Variants in MGRN1 observed in about 807,000 individuals in gnomAD.
MGRN1 encodes the protein E3 ubiquitin-protein ligase MGRN1.
MGRN1 carries 29 observed loss-of-function variants against 69.2 expected under a neutral mutation model. The observed-to-expected ratio is 0.42, with a 90% confidence interval of 0.31 to 0.57. MGRN1 has a LOEUF of 0.57. Ranked by LOEUF, MGRN1 falls within the 20% of genes least tolerant of loss-of-function variation. The probability of loss-of-function intolerance (pLI) is 0.15; values close to 1 mark genes in which losing one functional copy is unlikely to be tolerated. For synonymous variants in MGRN1, 470 were observed against 344.2 expected (o/e 1.37, Z -4.04); for missense variants, 998 against 796.2 (o/e 1.25, Z -3.05).
intron 1 of MGRN1, chr16:4,649,588 A>G (rs1170072977): frequency 6.6e-6 from 1 of 152,130 alleles, no homozygotes; most frequent in Non-Finnish European, 1.5e-5. Flanking sequence ...TCTGTTAAGA[A>G]CCAGTCACTG....
intron 16 of MGRN1, chr16:4,686,345 G>GT: frequency 6.5e-7 from 1 of 1,537,248 alleles, no homozygotes; most frequent in Non-Finnish European, 8.7e-7. Flanking sequence ...TCTGACGCGC[G>GT]TCCTTGGAGA....
intron 1 of MGRN1, chr16:4,649,103 C>G (rs1315086300): frequency 6.5e-6 from 1 of 152,738 alleles, no homozygotes; most frequent in Non-Finnish European, 1.5e-5. Context: ...AAGCGCAGAT[C>G]TCATGCCTAA....
At chr16:4,678,364 C>A (rs2079100467) in intron 11 of MGRN1, among the ~76,000 whole-genome samples, 1 of 152,122 alleles carries the variant, frequency 6.6e-6, no homozygotes, top group Non-Finnish European at 1.5e-5. Context: ...AACACAGAGA[C>A]AGGGCGAGAG....
chr16:4,643,212 G>C (rs539917970), intron 1 of MGRN1, among the ~76,000 whole-genome samples: 2 of 151,634 alleles, frequency 1.3e-5, no homozygotes, highest in African/African-American at 2.4e-5. Context: ...CACTCCTCTC[G>C]GCCTCCCAGA....
intron 4 of MGRN1, among the ~76,000 whole-genome samples, chr16:4,656,419 C>T (rs145671523): frequency 1.3e-5 from 2 of 152,318 alleles, no homozygotes; most frequent in Non-Finnish European, 2.9e-5. Context: ...CCCGTCTGAA[C>T]GTTGAGGAAG....
At chr16:4,684,446 C>A (rs986267630) in intron 16 of MGRN1, among the ~76,000 whole-genome samples, 2 of 152,234 alleles carry the variant, frequency 1.3e-5, no homozygotes, top group African/African-American at 4.8e-5. Flanking sequence ...GGGCCCTGGG[C>A]CACAGAGCGC....
At chr16:4,642,737 G>A (rs2078188952) in intron 1 of MGRN1, among the ~76,000 whole-genome samples, 1 of 151,936 alleles carries the variant, frequency 6.6e-6, no homozygotes, top group Non-Finnish European at 1.5e-5. Flanking sequence ...AAAGTGCTGG[G>A]ATTACAGGGG....
At position 4,664,551 on chromosome 16, in the gene MGRN1, C is replaced by G. The variant is rs368455071; in HGVS notation, c.562-158C>G. On this transcript the variant is annotated intron_variant, in intron 5 of 16. Transcript: ENST00000262370. ...ACACACACATAAAAAAGGTGCCAAG[C>G]CTGGCATCCGCCTTCCCTGCCATCT... 2.3e-5 allele frequency: 16 copies of G among 698,308 alleles called. No homozygotes were observed. In the African/African-American group the frequency reaches 2.8e-4, roughly 12 times the overall value. The allele number at this position is 698,308 out of a possible 1,614,324, so 43.3% of individuals were successfully genotyped here. A position where few individuals can be genotyped will look rare whatever the true frequency, so the allele number is the denominator to read the frequency against.
At chr16:4,651,266 G>T (rs772003876) in intron 2 of MGRN1, among the ~76,000 whole-genome samples, 2 of 152,306 alleles carry the variant, frequency 1.3e-5, no homozygotes, top group South Asian at 4.1e-4. Flanking sequence ...TGAGCTGTCT[G>T]TTCAGCACAC....
At chr16:4,674,089 A>G (rs140061452) in intron 10 of MGRN1, among the ~76,000 whole-genome samples, 96 of 152,234 alleles carry the variant, frequency 6.3e-4, no homozygotes, top group African/African-American at 2.2e-3. Context: ...AGTTCAAGCA[A>G]TTCTCCTGTC....
intron 15 of MGRN1, among the ~76,000 whole-genome samples, chr16:4,683,600 T>TA (rs2079239779): frequency 4.1e-5 from 6 of 147,376 alleles, no homozygotes; most frequent in Admixed American, 4.1e-4. Context: ...GGACACAGTG[T>TA]AAAAAAGGGG....
intron 1 of MGRN1, among the ~76,000 whole-genome samples, chr16:4,626,123 T>C (rs1159414777): frequency 6.6e-6 from 1 of 152,236 alleles, no homozygotes; most frequent in Admixed American, 6.5e-5. Flanking sequence ...GAAAAACTGC[T>C]CTGCCCAGGT....
chr16:4,674,816 A>G (rs2079021154), intron 10 of MGRN1, among the ~76,000 whole-genome samples: 1 of 134,786 alleles, frequency 7.4e-6, no homozygotes, highest in Non-Finnish European at 1.6e-5. Flanking sequence ...AATTTTTTGT[A>G]TTTTTAGTAG....
At chr16:4,646,422 CAAA>C (rs530306184) in intron 1 of MGRN1, among the ~76,000 whole-genome samples, 22 of 140,712 alleles carry the variant, frequency 1.6e-4, no homozygotes, top group Non-Finnish European at 2.8e-4. Context: ...GACCCTGTCT[CAAA>C]AAAAAAAAAA....
intron 5 of MGRN1, among the ~76,000 whole-genome samples, chr16:4,660,675 G>T (rs2078656555): frequency 6.6e-6 from 1 of 152,222 alleles, no homozygotes. Context: ...AGGAGTGGCT[G>T]CCGGTGCGCG....
Position 4,683,260 on chromosome 16 carries a change from C to T in MGRN1, c.1519C>T (p.Pro507Ser), listed in dbSNP as rs371375348. The T allele has an allele frequency of 4.3e-6, 7 of 1,613,722 alleles. No homozygotes were observed. The highest frequency in any genetic ancestry group is 5.9e-6 in the Non-Finnish European group (7 of 1,179,986). The part of the protein sequence containing the change: ...ITEEVDESSS[P>S]QQGTRAASIE... ...AGAAGAGGTTGATGAGTCGTCGTCACCACAGCAAGGTGAGCGCCTCCTTCC... is the reference window on the plus strand; with the variant it reads ...AGAAGAGGTTGATGAGTCGTCGTCATCACAGCAAGGTGAGCGCCTCCTTCC... Residue 507 changes from proline to serine, a missense_variant, in exon 15 of 17, where the codon CCA becomes TCA. By Grantham distance (74) the Pro-to-Ser change is moderately conservative. Coordinates refer to ENST00000262370, the MANE Select transcript of MGRN1 (RefSeq NM_015246.4).
At chr16:4,680,607 C>A (rs1204667308) in intron 12 of MGRN1, 1 of 159,444 alleles carries the variant, frequency 6.3e-6, no homozygotes, top group African/African-American at 2.4e-5. Flanking sequence ...AGCCGAAACC[C>A]TGTGTGCGTT....
At chr16:4,653,261 A>G (rs992523213) in intron 4 of MGRN1, among the ~76,000 whole-genome samples, 5 of 152,192 alleles carry the variant, frequency 3.3e-5, no homozygotes, top group African/African-American at 7.2e-5. Context: ...TTTATTGTAA[A>G]GGATTCAGAT....
rs1294180092 is a variant in MGRN1, at chr16:4,687,929, ACAGT to A, written c.1619-863_1619-860del. Reference sequence around the variant, plus strand: ...TGAGCCATTATACCCCTAGATTGAAACAGTCAGCACCTTTCAGACGGCCCCGGCC... The same window carrying A: ...TGAGCCATTATACCCCTAGATTGAAACAGCACCTTTCAGACGGCCCCGGCC... On this transcript the variant is annotated intron_variant, in intron 16 of 16. Coordinates refer to ENST00000262370, the MANE Select transcript of MGRN1 (RefSeq NM_015246.4). The A allele has an allele frequency of 1.4e-5, 14 of 985,394 alleles. No homozygotes were observed. The Admixed American group carries it at 2.5e-4, about 17-fold the overall frequency. 61.0% of individuals were successfully genotyped at this position (985,394 alleles called of 1,614,324 possible). A position where few individuals can be genotyped will look rare whatever the true frequency, so the allele number is the denominator to read the frequency against.
Sources: allele counts gnomAD v4.1 joint callset (sites outside exome capture counted in the v4.1 genomes callset), GRCh38; gene constraint gnomAD v4.1.1; transcripts MANE v1.5; gene names NCBI Gene and HGNC (gene_info 2026-07-23, HGNC 2026-07-21).